The following PRKN variants were observed in gnomAD, a reference collection of about 807,000 sequenced individuals.
PRKN encodes parkin RBR E3 ubiquitin protein ligase.
Under a neutral mutation model 59.5 loss-of-function variants are expected in PRKN, and 56 were observed. That is an observed-to-expected ratio of 0.94 (90% CI 0.76 to 1.18). The LOEUF (loss-of-function observed/expected upper bound fraction) is 1.18. Among genes scored for constraint, PRKN ranks in the 50% most tolerant of loss-of-function variants. The pLI is 0.00. For synonymous variants in PRKN, 250 were observed against 222.1 expected (o/e 1.13, Z -1.12); for missense variants, 657 against 596.4 (o/e 1.10, Z -1.06).
intron 1 of PRKN, among the ~76,000 whole-genome samples, chr6:162,615,506 C>T (rs184187427): frequency 6.6e-6 from 1 of 152,116 alleles, no homozygotes; most frequent in East Asian, 1.9e-4. Context: ...CTCACAGATG[C>T]AGAGTGACTG....
chr6:162,390,692 C>T (rs768228701), intron 2 of PRKN, among the ~76,000 whole-genome samples: 8 of 152,008 alleles, frequency 5.3e-5, no homozygotes, highest in Non-Finnish European at 1.0e-4. Context: ...ATCCACCCAC[C>T]TCGGCCTTCC....
intron 4 of PRKN, among the ~76,000 whole-genome samples, chr6:162,194,984 T>C (rs1397874058): frequency 6.6e-6 from 1 of 152,060 alleles, no homozygotes; most frequent in Admixed American, 6.6e-5. Flanking sequence ...GAACAGATGG[T>C]GGCGTGAAGG....
chr6:161,590,098 A>T (rs1323627329), intron 7 of PRKN, among the ~76,000 whole-genome samples: 1 of 151,996 alleles, frequency 6.6e-6, no homozygotes, highest in African/African-American at 2.4e-5. Flanking sequence ...CTAGAGTATT[A>T]AATTCTGAAA....
At chr6:162,044,921 A>G (rs1784196257) in intron 5 of PRKN, among the ~76,000 whole-genome samples, 1 of 152,218 alleles carries the variant, frequency 6.6e-6, no homozygotes, top group Non-Finnish European at 1.5e-5. Context: ...CACAGAGGGA[A>G]GTCCTTGCAT....
chr6:162,620,340 AT>A (rs1247677212), intron 1 of PRKN, among the ~76,000 whole-genome samples: 1 of 152,072 alleles, frequency 6.6e-6, no homozygotes. Context: ...CCTTCTGGTT[AT>A]TGTTAATTAC....
intron 7 of PRKN, among the ~76,000 whole-genome samples, chr6:161,672,828 G>T (rs1784958283): frequency 6.6e-6 from 1 of 152,112 alleles, no homozygotes; most frequent in African/African-American, 2.4e-5. Context: ...GGCCTTTCCT[G>T]TACTAAACTA....
rs563370782 is a variant in PRKN at position 161,380,692 on chromosome 6, T to C, written c.1167+6102A>G. The stretch of plus-strand genomic sequence containing the variant: ...TGAAATGAGGTTCAAAGGCACATAA[T>C]GTAGGAAGTGTAACACAACGTTGCA... On this transcript the variant is annotated intron_variant, in intron 10 of 11. Transcript: ENST00000366898. 5.3e-5 allele frequency among the ~76,000 whole-genome samples: 8 copies of C among 152,318 alleles called. No individual in the cohort carries two copies. The East Asian group carries it at 1.2e-3, about 22-fold the overall frequency.
chr6:161,618,371 G>A (rs1449971486), intron 7 of PRKN, among the ~76,000 whole-genome samples: 5 of 152,168 alleles, frequency 3.3e-5, no homozygotes, highest in East Asian at 3.9e-4. Context: ...TGTTTTGCCC[G>A]GAAAGCCACA....
chr6:162,190,569 C>T (rs1441909062), intron 4 of PRKN, among the ~76,000 whole-genome samples: 1 of 152,128 alleles, frequency 6.6e-6, no homozygotes, highest in African/African-American at 2.4e-5. Flanking sequence ...GTTTCCCACC[C>T]GGCTTTACTG....
At chr6:161,962,835 G>A (rs1332816799) in intron 6 of PRKN, among the ~76,000 whole-genome samples, 3 of 150,790 alleles carry the variant, frequency 2.0e-5, no homozygotes, top group African/African-American at 4.9e-5. Context: ...TCACCCGGCC[G>A]CTCCATCTTT....
At chr6:162,087,322 T>C (rs1265286558) in intron 4 of PRKN, among the ~76,000 whole-genome samples, 2 of 152,142 alleles carry the variant, frequency 1.3e-5, no homozygotes, top group Admixed American at 1.3e-4. Flanking sequence ...ATCAAAAACT[T>C]TCCTAAAAAT....
chr6:162,664,098 G>T (rs1779003730), intron 1 of PRKN, among the ~76,000 whole-genome samples: 1 of 152,030 alleles, frequency 6.6e-6, no homozygotes, highest in African/African-American at 2.4e-5. Context: ...CTGTGTCCAG[G>T]TGTTCTCAAT....
intron 7 of PRKN, among the ~76,000 whole-genome samples, chr6:161,583,021 CAT>C (rs772064833): frequency 0.18 from 13,650 of 75,840 alleles, 1,037 homozygotes; most frequent in Middle Eastern, 0.25. Context: ...CACACACACA[CAT>C]ACACATTTTG....
chr6:161,431,900 C>T (rs1788663157), intron 9 of PRKN, among the ~76,000 whole-genome samples: 1 of 152,230 alleles, frequency 6.6e-6, no homozygotes, highest in Non-Finnish European at 1.5e-5. Context: ...CAGGCGTGAG[C>T]CACTGCATCC....
intron 1 of PRKN, among the ~76,000 whole-genome samples, chr6:162,472,618 G>T (rs1791811715): frequency 7.8e-6 from 1 of 128,408 alleles, no homozygotes; most frequent in Non-Finnish European, 1.7e-5. Flanking sequence ...CTCCCGAGTA[G>T]CTGGGACTAC....
intron 2 of PRKN, among the ~76,000 whole-genome samples, chr6:162,413,101 T>C (rs1235820337): frequency 7.2e-5 from 11 of 152,186 alleles, no homozygotes; most frequent in Non-Finnish European, 8.8e-5. Flanking sequence ...GGGGGCTTCT[T>C]CTGTGCAGTA....
chr6:162,016,511 G>A (rs767745290), intron 5 of PRKN, among the ~76,000 whole-genome samples: 1 of 152,048 alleles, frequency 6.6e-6, no homozygotes, highest in Non-Finnish European at 1.5e-5. Context: ...CTCCCATCAC[G>A]AGGAGGGAGA....
chr6:162,327,013 A>G (rs9458523), intron 2 of PRKN, among the ~76,000 whole-genome samples: 71,878 of 151,964 alleles, frequency 0.47, 17,619 homozygotes, highest in Middle Eastern at 0.54. Context: ...AATACTATTT[A>G]TCTGCTATGA....
intron 6 of PRKN, among the ~76,000 whole-genome samples, chr6:161,971,110 C>T (rs970330208): frequency 6.6e-5 from 10 of 152,056 alleles, no homozygotes; most frequent in Admixed American, 5.2e-4. Context: ...TGGATATAGT[C>T]GCTTCTATTT....
Sources: allele counts gnomAD v4.1 joint callset (sites outside exome capture counted in the v4.1 genomes callset), GRCh38; gene constraint gnomAD v4.1.1; transcripts MANE v1.5; gene names NCBI Gene and HGNC (gene_info 2026-07-23, HGNC 2026-07-21).